TENM4: variants seen among roughly 807,000 people sequenced by gnomAD.
TENM4 encodes teneurin transmembrane protein 4, also known as teneurin-4.
In TENM4, 82 loss-of-function variants were observed where a neutral mutation model predicts 243.3. The observed-to-expected ratio is 0.34, with a 90% CI of 0.28 to 0.40. TENM4 has a LOEUF of 0.40. TENM4 is among the 10% of genes least tolerant of loss of function. The pLI is 1.00. For synonymous variants in TENM4, 1,412 were observed against 1,456.3 expected (o/e 0.97, Z 0.69); for missense variants, 3,138 against 3,673.3 (o/e 0.85, Z 3.77).
At chr11:79,418,811 G>C (rs896804800) in intron 1 of TENM4, among the ~76,000 whole-genome samples, 4 of 152,176 alleles carry the variant, frequency 2.6e-5, no homozygotes, top group African/African-American at 9.7e-5. Context: ...CCAACAGGTT[G>C]TCATCTCTTT....
At chr11:78,862,396 A>T (rs754094887) in intron 10 of TENM4, among the ~76,000 whole-genome samples, 13 of 152,200 alleles carry the variant, frequency 8.5e-5, no homozygotes, top group Non-Finnish European at 1.8e-4. Flanking sequence ...TTTGGCAAAA[A>T]GTTTTAAAAC....
intron 1 of TENM4, among the ~76,000 whole-genome samples, chr11:79,370,754 ACTC>A (rs61602786): frequency 0.25 from 32,193 of 129,094 alleles, 4,257 homozygotes; most frequent in Middle Eastern, 0.3. Flanking sequence ...ACTTCTTAAA[ACTC>A]CTAAAGGCAC....
At chr11:79,214,493 T>C (rs747654280) in intron 3 of TENM4, among the ~76,000 whole-genome samples, 19 of 152,206 alleles carry the variant, frequency 1.2e-4, no homozygotes, top group Admixed American at 5.9e-4. Flanking sequence ...AATAACTAAA[T>C]AAATGATTAA....
chr11:79,235,056 G>T (rs187162987), intron 2 of TENM4, among the ~76,000 whole-genome samples: 3 of 152,120 alleles, frequency 2.0e-5, no homozygotes, highest in Admixed American at 2.0e-4. Flanking sequence ...ACTCATGCCT[G>T]CAATCCCAGC....
At chr11:79,349,952 C>T (rs569952527) in intron 1 of TENM4, among the ~76,000 whole-genome samples, 3 of 152,254 alleles carry the variant, frequency 2.0e-5, no homozygotes, top group East Asian at 1.9e-4. Context: ...GACCGGAGGA[C>T]GAGGAGAGTG....
At chr11:79,148,199 T>C (rs1862428853) in intron 4 of TENM4, among the ~76,000 whole-genome samples, 1 of 152,074 alleles carries the variant, frequency 6.6e-6, no homozygotes, top group Non-Finnish European at 1.5e-5. Flanking sequence ...TGAGAAATGA[T>C]TGGAGGAACA....
At chr11:79,270,929 A>G (rs1390704434) in intron 2 of TENM4, among the ~76,000 whole-genome samples, 1 of 152,182 alleles carries the variant, frequency 6.6e-6, no homozygotes, top group African/African-American at 2.4e-5. Context: ...TCCCAACCAG[A>G]AGCAGCTTTG....
chr11:78,966,107 C>T (rs371911978), intron 6 of TENM4, among the ~76,000 whole-genome samples: 12 of 151,496 alleles, frequency 7.9e-5, no homozygotes, highest in African/African-American at 2.2e-4. Context: ...ATTTGAAATC[C>T]GGTTCCATTA....
In TENM4 at chr11:78,862,823, C is replaced by T. The variant is rs868419311; in HGVS notation, c.1255+139G>A. 8.3e-5 allele frequency: 74 copies of T among 890,944 alleles called. No individual in the cohort carries two copies. In the East Asian group the frequency reaches 1.3e-3, roughly 15 times the overall value. 55.2% of individuals were successfully genotyped at this position (890,944 alleles called of 1,614,324 possible). On this transcript the variant is annotated intron_variant, in intron 10 of 33. Coordinates refer to ENST00000278550, the MANE Select transcript of TENM4 (RefSeq NM_001098816.3). Reference sequence around the variant, plus strand: ...GGTGGACTGGCAGCTTGACAGCTGGCGTGGAGTGTGGAAGGATGGAGGGAG... The same window carrying T: ...GGTGGACTGGCAGCTTGACAGCTGGTGTGGAGTGTGGAAGGATGGAGGGAG...
In TENM4 at chr11:79,018,188, C is replaced by A. The variant is rs187503464; in HGVS notation, c.493+46550G>T. Among the ~76,000 whole-genome samples the A allele has an allele frequency of 1.4e-4, 21 of 152,292 alleles. No individual in the cohort carries two copies. The East Asian group carries it at 2.9e-3, about 21-fold the overall frequency. Reference sequence around the variant, plus strand: ...CCCTGGAACCCTGAGGCTGGGATGACCACATGTTCCAGTTGGCCCAGGATG... The same window carrying A: ...CCCTGGAACCCTGAGGCTGGGATGAACACATGTTCCAGTTGGCCCAGGATG... On this transcript the variant is annotated intron_variant, in intron 6 of 33. Coordinates refer to ENST00000278550, the MANE Select transcript of TENM4 (RefSeq NM_001098816.3).
intron 1 of TENM4, among the ~76,000 whole-genome samples, chr11:79,353,434 C>T (rs10501438): frequency 0.28 from 41,918 of 151,962 alleles, 6,089 homozygotes; most frequent in Middle Eastern, 0.38. Context: ...TGGACTGTCT[C>T]TTAACGTGGT....
At chr11:79,412,879 C>A (rs775453696) in intron 1 of TENM4, among the ~76,000 whole-genome samples, 15 of 152,184 alleles carry the variant, frequency 9.9e-5, no homozygotes, top group Non-Finnish European at 2.2e-4. Context: ...TGCACCACAG[C>A]CAGGCACTGT....
chr11:79,214,530 C>T lies in TENM4; in HGVS notation c.-163+1278G>A, dbSNP rs191545469. 3.3e-5 allele frequency among the ~76,000 whole-genome samples: 5 copies of T among 152,278 alleles called. No individual in the cohort carries two copies. The East Asian group carries it at 9.7e-4, about 29-fold the overall frequency. ...CAGAAGTTATGTAAGGTCCAGACTC[C>T]AGCACTTTTTATTTGGAAGACCTTT... On this transcript the variant is annotated intron_variant, in intron 3 of 33. Transcript: ENST00000278550.
chr11:79,347,386 C>T (rs1033745245), intron 1 of TENM4, among the ~76,000 whole-genome samples: 1 of 152,210 alleles, frequency 6.6e-6, no homozygotes, highest in African/African-American at 2.4e-5. Context: ...TCCTAATAGG[C>T]CATGGACCTC....
intron 6 of TENM4, among the ~76,000 whole-genome samples, chr11:78,919,394 C>G (rs1856394857): frequency 6.6e-6 from 1 of 151,766 alleles, no homozygotes; most frequent in Admixed American, 6.6e-5. Flanking sequence ...TTCTTCTTCT[C>G]TGTCCTGCCC....
intron 6 of TENM4, among the ~76,000 whole-genome samples, chr11:78,928,356 A>G (rs1326115533): frequency 1.3e-5 from 2 of 152,166 alleles, no homozygotes; most frequent in Non-Finnish European, 2.9e-5. Context: ...TCTTAACACT[A>G]CAGGTATATA....
Position 78,670,465 on chromosome 11 carries a change from G to A in TENM4, c.5880C>T (p.Asn1960=), listed in dbSNP as rs776203610. Residue 1960 remains asparagine (N), a synonymous_variant, in exon 32 of 34, where the codon AAC becomes AAT. Coordinates refer to ENST00000278550, the MANE Select transcript of TENM4 (RefSeq NM_001098816.3). Reference sequence around the variant, plus strand: ...TGGTCTCTAGTGTCTGCCGCGCCACGTTGGGCATCGTCACAGAAGAGAGGC... The same window carrying A: ...TGGTCTCTAGTGTCTGCCGCGCCACATTGGGCATCGTCACAGAAGAGAGGC... ...NDRLSSVTMP[N]VARQTLETIR... is the part of the protein sequence containing the mutation. 1.7e-5 allele frequency: 28 copies of A among 1,613,828 alleles called. No individual in the cohort carries two copies. The highest frequency in any genetic ancestry group is 2.2e-5 in the East Asian group (1 of 44,874).
chr11:78,840,525 G>A (rs1225186316), intron 12 of TENM4, among the ~76,000 whole-genome samples: 5 of 152,208 alleles, frequency 3.3e-5, no homozygotes, highest in East Asian at 1.9e-4. Flanking sequence ...TTGTGCTGGC[G>A]TTTCAACAGA....
rs1396986517 is a variant in TENM4, at chr11:78,653,880, A to C, written c.*4178T>G. The C allele has an allele frequency of 6.6e-6, 1 of 152,294 alleles. No individual in the cohort carries two copies. Among genetic ancestry groups the C allele is most frequent in the Admixed American group, 6.5e-5 (1 of 15,292 alleles). The allele number at this position is 152,294 out of a possible 1,614,324, so 9.4% of individuals were successfully genotyped here. A position where few individuals can be genotyped will look rare whatever the true frequency, so the allele number is the denominator to read the frequency against. On this transcript the variant is annotated 3_prime_UTR_variant, in exon 34 of 34. Transcript: ENST00000278550. ...TTCGTAATGAAACCTAAGAGTCACC[A>C]CTGTCTAGGGCAGTCAAGTACACAA...
Sources: gnomAD v4.1 joint callset for allele counts (sites outside exome capture counted in the v4.1 genomes callset) on GRCh38, gnomAD v4.1.1 for gene constraint, MANE v1.5 for transcripts, NCBI Gene and HGNC (gene_info 2026-07-23, HGNC 2026-07-21) for gene names.